The following SNX14 variants were observed in gnomAD, a reference collection of about 807,000 sequenced individuals.
SNX14 encodes the protein sorting nexin-14.
A neutral mutation model predicts 133.8 loss-of-function variants in SNX14; 93 were observed. The ratio of observed to expected loss-of-function variants is 0.70; its 90% confidence interval spans 0.59 to 0.83. The LOEUF (loss-of-function observed/expected upper bound fraction) is 0.83. Ranked by LOEUF, SNX14 falls within the 40% of genes least tolerant of loss-of-function variation. SNX14 has a pLI of 0.00. For synonymous variants in SNX14, 368 were observed against 365.6 expected (o/e 1.01, Z -0.07); for missense variants, 945 against 1,094.9 (o/e 0.86, Z 1.93).
At position 85,547,175 on chromosome 6, in the gene SNX14, G is replaced by C; in HGVS notation, c.1045C>G (p.Arg349Gly). The change falls in exon 12 of 29, where the codon CGT becomes GGT. Residue 349 changes from arginine (R) to glycine (G), a missense_variant. Physicochemically the swap from Arg to Gly is moderately radical, Grantham distance 125 (BLOSUM62 -2). Around this residue, in one of 3 missense-constraint regions of SNX14, gnomAD observed 514 missense variants for 538.8 expected, o/e 0.95. Coordinates refer to ENST00000314673, the MANE Select transcript of SNX14 (RefSeq NM_153816.6). The part of the protein sequence containing the change: ...QIREQQDLLF[R>G]FMNFLKQEGA... ...TCTTGTTTCAGAAAGTTCATAAAACGAAATAAAAGATCTTGTTGCTCTCTG... is the reference window on the plus strand; with the variant it reads ...TCTTGTTTCAGAAAGTTCATAAAACCAAATAAAAGATCTTGTTGCTCTCTG... 1 of 1,613,918 alleles carries C rather than the reference G, an allele frequency of 6.2e-7. No homozygotes were observed. The highest frequency in any genetic ancestry group is 8.5e-7 in the Non-Finnish European group (1 of 1,179,900).
At chr6:85,517,938 C>T in intron 22 of SNX14, 63 bp from the exon 23 acceptor site, 5 of 1,568,980 alleles carry the variant, frequency 3.2e-6, no homozygotes, top group Non-Finnish European at 4.3e-6. Flanking sequence ...CATAATCCAG[C>T]AAAATTTATC....
chr6:85,509,373 T>G (rs891273933), intron 26 of SNX14, among the ~76,000 whole-genome samples: 1 of 152,196 alleles, frequency 6.6e-6, no homozygotes, highest in Non-Finnish European at 1.5e-5. Context: ...TACAGAAAAT[T>G]TACTCAAAAA....
intron 26 of SNX14, among the ~76,000 whole-genome samples, chr6:85,511,126 T>G (rs1562177158): frequency 6.6e-6 from 1 of 152,246 alleles, no homozygotes; most frequent in Non-Finnish European, 1.5e-5. Context: ...ATATAAATCT[T>G]GTGCATGTTT....
intron 1 of SNX14, among the ~76,000 whole-genome samples, chr6:85,574,906 T>C (rs1210651079): frequency 6.6e-6 from 1 of 152,234 alleles, no homozygotes; most frequent in Non-Finnish European, 1.5e-5. Flanking sequence ...CTGTGTGATA[T>C]GGGAATACCA....
chr6:85,530,274 A>G lies in SNX14; in HGVS notation c.1812T>C (p.Val604=). 1 of 1,587,540 alleles carries G rather than the reference A, an allele frequency of 6.3e-7. No homozygotes were observed. The highest frequency in any genetic ancestry group is 8.6e-7 in the Non-Finnish European group (1 of 1,163,722). ...IDVERNDRRA[V]GHEPEHWSVY... is the part of the protein sequence containing the mutation. ...CAGACCAATGTTCAGGCTCGTGTCC[A>G]ACTGTAAATTGAGTACACACACACT... Residue 604 remains valine, a splice_region_variant and synonymous_variant, in exon 19 of 29, where the codon GTT becomes GTC. Transcript: ENST00000314673.
In SNX14 at chr6:85,517,773, A is replaced by G; in HGVS notation, c.2251T>C (p.Ser751Pro). The change falls in exon 23 of 29, where the codon TCA becomes CCA. Residue 751 changes from serine (S) to proline (P), a missense_variant. Physicochemically the swap from Ser to Pro is moderately conservative, Grantham distance 74 (BLOSUM62 -1). Transcript: ENST00000314673. ...TGCAGTACCTTCTTGTTGTTTTCTG[A>G]AGTAGGGCTGAGAATGGTCAGTTCT... is the stretch of plus-strand genomic sequence containing the variant. ...RPELTILSPT[S>P]ENNKKLFNDL... 6.2e-7 allele frequency: 1 copy of G among 1,600,316 alleles called. No individual in the cohort carries two copies. The highest frequency in any genetic ancestry group is 8.5e-7 in the Non-Finnish European group (1 of 1,176,670).
chr6:85,532,277 G>A (rs1780541212), intron 18 of SNX14, among the ~76,000 whole-genome samples: 1 of 152,152 alleles, frequency 6.6e-6, no homozygotes, highest in Non-Finnish European at 1.5e-5. Flanking sequence ...TCAGAATGCT[G>A]AAAGAACAGC....
intron 24 of SNX14, 66 bp from the exon 25 acceptor site, chr6:85,514,300 T>C: frequency 8.4e-6 from 13 of 1,543,744 alleles, no homozygotes; most frequent in South Asian, 2.6e-5. Flanking sequence ...AATTTGCCAA[T>C]GTAGAAAACA....
chr6:85,514,728 C>G, intron 23 of SNX14, 99 bp from the exon 24 acceptor site: 3 of 1,239,590 alleles, frequency 2.4e-6, no homozygotes, highest in Non-Finnish European at 3.3e-6. Flanking sequence ...GGCATTTAAA[C>G]TTTTTCCAAT....
chr6:85,583,777 G>C (rs955425821), intron 1 of SNX14, among the ~76,000 whole-genome samples: 32 of 152,250 alleles, frequency 2.1e-4, no homozygotes, highest in African/African-American at 7.5e-4. Flanking sequence ...AACATTCCAT[G>C]CTCATGGATA....
intron 6 of SNX14, among the ~76,000 whole-genome samples, chr6:85,560,538 T>A (rs773151539): frequency 9.9e-5 from 15 of 152,196 alleles, no homozygotes; most frequent in Non-Finnish European, 1.6e-4. Context: ...TTCTGGGTGA[T>A]GAAAATGTTC....
chr6:85,524,523 T>G (rs1777967350), intron 21 of SNX14, among the ~76,000 whole-genome samples: 1 of 152,196 alleles, frequency 6.6e-6, no homozygotes, highest in Admixed American at 6.5e-5. Flanking sequence ...CACTCACGCC[T>G]GTAATCTCAG....
At chr6:85,541,575 G>A (rs534301759) in intron 15 of SNX14, among the ~76,000 whole-genome samples, 2 of 151,946 alleles carry the variant, frequency 1.3e-5, no homozygotes, top group East Asian at 3.9e-4. Flanking sequence ...TGTACACTTA[G>A]ATTTCCAGAG....
intron 1 of SNX14, among the ~76,000 whole-genome samples, chr6:85,590,762 A>C (rs1032235564): frequency 2.0e-5 from 3 of 152,138 alleles, no homozygotes; most frequent in African/African-American, 7.2e-5. Context: ...CCCCACATAA[A>C]AGCTAAATTT....
Position 85,574,241 on chromosome 6 carries a change from A to C in SNX14, c.261+17T>G. 6.4e-7 allele frequency: 1 copy of C among 1,554,902 alleles called. No homozygotes were observed. The highest frequency in any genetic ancestry group is 8.8e-7 in the Non-Finnish European group (1 of 1,139,342). ...TCATATACATTGATTCTTAACAATA[A>C]GAACACATAATTTTACCTTGGGTTT... On this transcript the variant is annotated intron_variant, in intron 2 of 28. Coordinates refer to ENST00000314673, the MANE Select transcript of SNX14 (RefSeq NM_153816.6).
intron 15 of SNX14, 118 bp downstream of exon 15, chr6:85,541,867 T>C (rs1263965964): frequency 9.5e-6 from 6 of 629,422 alleles, no homozygotes; most frequent in Non-Finnish European, 1.5e-5. Context: ...TAAAATGCCT[T>C]GTGAACTCAT....
At chr6:85,556,680 T>C (rs1007275364) in intron 7 of SNX14, among the ~76,000 whole-genome samples, 1 of 152,068 alleles carries the variant, frequency 6.6e-6, no homozygotes, top group Non-Finnish European at 1.5e-5. Context: ...CTCGAACTCC[T>C]GACCTCAAGT....
chr6:85,560,808 T>C (rs907059842), intron 6 of SNX14, among the ~76,000 whole-genome samples: 1 of 150,280 alleles, frequency 6.7e-6, no homozygotes, highest in South Asian at 2.1e-4. Flanking sequence ...CCGAGGTGGG[T>C]GAATCACTTG....
chr6:85,529,087 C>A (rs532549203), intron 19 of SNX14, among the ~76,000 whole-genome samples: 1 of 151,408 alleles, frequency 6.6e-6, no homozygotes, highest in Non-Finnish European at 1.5e-5. Context: ...ATGATGAAAC[C>A]CTGTCTCTAC....
Sources: allele counts gnomAD v4.1 joint callset (sites outside exome capture counted in the v4.1 genomes callset), GRCh38; gene constraint gnomAD v4.1.1; regional missense constraint gnomAD v4.1.1; transcripts MANE v1.5; gene names NCBI Gene and HGNC (gene_info 2026-07-23, HGNC 2026-07-21).